The following TAF2 variants were observed in gnomAD, a reference collection of about 807,000 sequenced individuals.
The protein encoded by TAF2 is transcription initiation factor TFIID subunit 2.
TAF2 carries 61 observed loss-of-function variants against 138.5 expected under a neutral mutation model. The observed-to-expected ratio is 0.44, with a 90% CI of 0.36 to 0.54. The LOEUF is 0.54. Ranked by LOEUF, TAF2 falls within the 20% of genes least tolerant of loss-of-function variation. The probability of loss-of-function intolerance (pLI) is 0.00; values close to 1 mark genes in which losing one functional copy is unlikely to be tolerated. For synonymous variants in TAF2, 475 were observed against 469.9 expected (o/e 1.01, Z -0.14); for missense variants, 1,090 against 1,427.9 (o/e 0.76, Z 3.81).
intron 9 of TAF2, among the ~76,000 whole-genome samples, chr8:119,794,262 T>G (rs1823659235): frequency 6.6e-6 from 1 of 151,980 alleles, no homozygotes; most frequent in Non-Finnish European, 1.5e-5. Flanking sequence ...CCGGGCGTGA[T>G]GGCGGGTGCC....
In TAF2 at chr8:119,801,759, C is replaced by G. The variant is rs1398929922; in HGVS notation, c.792+35G>C. 1.9e-6 allele frequency: 3 copies of G among 1,586,644 alleles called. No individual in the cohort carries two copies. In the East Asian group the frequency reaches 6.7e-5, roughly 35 times the overall value. The stretch of plus-strand genomic sequence containing the variant: ...TATCTTTTTAAAAGCAGTAAAGGGC[C>G]AGGAGGAGAGTAAGAGAGGAAAGCT... On this transcript the variant is annotated intron_variant, in intron 6 of 25. Coordinates refer to ENST00000378164, the MANE Select transcript of TAF2 (RefSeq NM_003184.4).
chr8:119,746,630 T>C, intron 23 of TAF2, 75 bp downstream of exon 23: 1 of 1,489,940 alleles, frequency 6.7e-7, no homozygotes, highest in Non-Finnish European at 9.4e-7. Context: ...ATTCACTAGT[T>C]CACAGGAAAC....
At chr8:119,768,032 G>A (rs918951134) in intron 18 of TAF2, among the ~76,000 whole-genome samples, 1 of 152,152 alleles carries the variant, frequency 6.6e-6, no homozygotes, top group Admixed American at 6.5e-5. Flanking sequence ...AAGTGCAATC[G>A]GGCCACGCAT....
intron 18 of TAF2, among the ~76,000 whole-genome samples, chr8:119,765,716 T>C (rs1463061608): frequency 6.6e-6 from 1 of 152,166 alleles, no homozygotes; most frequent in African/African-American, 2.4e-5. Context: ...CTGGTTTAAT[T>C]ATAAAAATAT....
chr8:119,789,824 AC>A (rs1208233174), intron 11 of TAF2, 78 bp from the exon 12 acceptor site: 11 of 1,377,372 alleles, frequency 8.0e-6, no homozygotes, highest in Non-Finnish European at 1.0e-6. Context: ...TTGCATTATA[AC>A]TTTATTGTAG....
chr8:119,783,691 T>G (rs1158913376), intron 15 of TAF2, 58 bp from the exon 16 acceptor site: 8 of 1,526,812 alleles, frequency 5.2e-6, no homozygotes, highest in Non-Finnish European at 7.1e-6. Context: ...ATCTATATAT[T>G]TAGAAAATAA....
intron 6 of TAF2, among the ~76,000 whole-genome samples, chr8:119,799,969 C>T (rs1368479395): frequency 6.6e-6 from 1 of 152,166 alleles, no homozygotes; most frequent in African/African-American, 2.4e-5. Context: ...AGTGTCTGTT[C>T]ATATCCTTCG....
intron 3 of TAF2, among the ~76,000 whole-genome samples, chr8:119,809,776 C>T (rs1824909022): frequency 6.6e-6 from 1 of 152,050 alleles, no homozygotes; most frequent in Non-Finnish European, 1.5e-5. Flanking sequence ...TTAAGTTTAC[C>T]ATCTTATATG....
chr8:119,796,075 C>CA (rs1191994759), intron 8 of TAF2, among the ~76,000 whole-genome samples: 1 of 152,036 alleles, frequency 6.6e-6, no homozygotes, highest in Non-Finnish European at 1.5e-5. Context: ...TTAATTCCTT[C>CA]ATTCATTTTT....
At chr8:119,735,175 T>C (rs1036333786) in intron 25 of TAF2, among the ~76,000 whole-genome samples, 14 of 152,190 alleles carry the variant, frequency 9.2e-5, no homozygotes, top group African/African-American at 3.1e-4. Context: ...CTGCTGTATT[T>C]CTTTTGTCTT....
intron 16 of TAF2, 143 bp from the exon 17 acceptor site, chr8:119,781,336 C>T: frequency 9.8e-7 from 1 of 1,022,512 alleles, no homozygotes; most frequent in Non-Finnish European, 1.4e-6. Flanking sequence ...AACAATTTAG[C>T]ATTTTATCAC....
At chr8:119,743,669 C>G (rs1819755160) in intron 24 of TAF2, among the ~76,000 whole-genome samples, 1 of 152,024 alleles carries the variant, frequency 6.6e-6, no homozygotes, top group African/African-American at 2.4e-5. Flanking sequence ...ATATAGCTAA[C>G]ATTAATCTTT....
intron 22 of TAF2, 94 bp downstream of exon 22, chr8:119,755,912 A>C (rs1281113308): frequency 2.0e-6 from 2 of 1,008,234 alleles, no homozygotes; most frequent in Non-Finnish European, 3.0e-6. Flanking sequence ...CTCAACTTTT[A>C]CCTTTAGTTC....
chr8:119,798,871 T>G (rs1824022957), intron 6 of TAF2, among the ~76,000 whole-genome samples: 1 of 152,136 alleles, frequency 6.6e-6, no homozygotes, highest in Non-Finnish European at 1.5e-5. Context: ...GTATCATGAT[T>G]AACACTCTGT....
chr8:119,766,017 T>C (rs1165576516), intron 18 of TAF2, among the ~76,000 whole-genome samples: 1 of 152,180 alleles, frequency 6.6e-6, no homozygotes, highest in Non-Finnish European at 1.5e-5. Context: ...GAAAAGACGA[T>C]GTAGGTATCA....
At position 119,731,563 on chromosome 8, in the gene TAF2, A is replaced by G; in HGVS notation, c.*361T>C. 1 of 282,026 alleles carries G rather than the reference A, an allele frequency of 3.5e-6. No individual in the cohort carries two copies. The allele number at this position is 282,026 out of a possible 1,614,324, so 17.5% of individuals were successfully genotyped here. A position where few individuals can be genotyped will look rare whatever the true frequency, so the allele number is the denominator to read the frequency against. ...TGTGTAAATCATAACTTTGCCCCAT[A>G]ACATCCACCAAAGGCTTTCAAACAT... On this transcript the variant is annotated 3_prime_UTR_variant, in exon 26 of 26. Coordinates refer to ENST00000378164, the MANE Select transcript of TAF2 (RefSeq NM_003184.4).
Position 119,731,483 on chromosome 8 carries a change from T to A in TAF2, c.*441A>T, listed in dbSNP as rs1228631901. ...GTCTTTTCAGTAGTTCCAAATGGTG[T>A]TATACAATATTTCACTGGAGATAGT... On this transcript the variant is annotated 3_prime_UTR_variant, in exon 26 of 26. Coordinates refer to ENST00000378164, the MANE Select transcript of TAF2 (RefSeq NM_003184.4). 4.9e-6 allele frequency: 1 copy of A among 202,398 alleles called. No homozygotes were observed. Among genetic ancestry groups the A allele is most frequent in the Non-Finnish European group, 1.0e-5 (1 of 97,740 alleles). The allele number at this position is 202,398 out of a possible 1,614,324, so 12.5% of individuals were successfully genotyped here.
intron 25 of TAF2, among the ~76,000 whole-genome samples, chr8:119,742,035 A>G (rs1055229547): frequency 1.3e-5 from 2 of 152,244 alleles, no homozygotes; most frequent in South Asian, 4.1e-4. Flanking sequence ...CTGTGAAATG[A>G]TATAAGAGAA....
chr8:119,794,651 A>T (rs551286465), intron 9 of TAF2, among the ~76,000 whole-genome samples: 1 of 152,332 alleles, frequency 6.6e-6, no homozygotes, highest in South Asian at 2.1e-4. Flanking sequence ...AGGAGAATTA[A>T]GATCATTTTA....
Sources: gnomAD v4.1 joint callset for allele counts (sites outside exome capture counted in the v4.1 genomes callset) on GRCh38, gnomAD v4.1.1 for gene constraint, MANE v1.5 for transcripts, NCBI Gene and HGNC (gene_info 2026-07-23, HGNC 2026-07-21) for gene names.